USP13: variants seen among roughly 807,000 people sequenced by gnomAD.
USP13 encodes ubiquitin specific peptidase 13.
A neutral mutation model predicts 107.8 loss-of-function variants in USP13; 68 were observed. That is an observed-to-expected ratio of 0.63 (90% CI 0.52 to 0.77). The LOEUF (loss-of-function observed/expected upper bound fraction) is 0.77, where lower values mean the gene tolerates loss of function less well. Among genes scored for constraint, USP13 ranks in the 30% least tolerant of loss-of-function variants. The probability of loss-of-function intolerance (pLI) is 0.00; values close to 1 mark genes in which losing one functional copy is unlikely to be tolerated. For synonymous variants in USP13, 377 were observed against 389.5 expected, an observed-to-expected ratio of 0.97 and a Z score of 0.38; for missense variants, 945 against 1,093.3, an observed-to-expected ratio of 0.86 and a Z score of 1.91.
At chr3:179,669,484 TAAAA>T (rs1040864528) in intron 1 of USP13, among the ~76,000 whole-genome samples, 1 of 151,324 alleles carries the variant, frequency 6.6e-6, no homozygotes, top group Non-Finnish European at 1.5e-5. Flanking sequence ...AATAAATAAA[TAAAA>T]AAAATAATAT....
intron 5 of USP13, among the ~76,000 whole-genome samples, chr3:179,707,561 A>G (rs902850757): frequency 5.3e-5 from 8 of 152,180 alleles, no homozygotes; most frequent in Non-Finnish European, 1.5e-5. Flanking sequence ...ATCCTGTACC[A>G]GCTTCCTACC....
At chr3:179,735,210 G>A (rs1035613145) in intron 10 of USP13, among the ~76,000 whole-genome samples, 5 of 152,224 alleles carry the variant, frequency 3.3e-5, no homozygotes, top group African/African-American at 1.2e-4. Context: ...TCAAGTGAGA[G>A]TGTGTGTTCC....
chr3:179,752,293 G>T lies in USP13; in HGVS notation c.1718G>T (p.Arg573Leu), dbSNP rs552969967. 5 of 1,613,672 alleles carry T rather than the reference G, an allele frequency of 3.1e-6. No individual in the cohort carries two copies. In the East Asian group the frequency reaches 6.7e-5, roughly 22 times the overall value. ...QAKSAGVKTSRFASFPEYLVV... is the reference protein window; with the variant it reads ...QAKSAGVKTSLFASFPEYLVV... ...CCCCTTGTGTTTCCCAGAACATCTCGCTTTGCTTCATTCCCTGAATACTTG... is the reference window on the plus strand; with the variant it reads ...CCCCTTGTGTTTCCCAGAACATCTCTCTTTGCTTCATTCCCTGAATACTTG... Residue 573 changes from arginine (R) to leucine (L), a missense_variant, in exon 14 of 21, where the codon CGC (arginine) becomes CTC (leucine). Physicochemically the swap from Arg to Leu is moderately radical, Grantham distance 102. Coordinates refer to ENST00000263966, the MANE Select transcript of USP13 (RefSeq NM_003940.3).
chr3:179,724,460 GA>G (rs10671346), intron 8 of USP13, among the ~76,000 whole-genome samples: 258 of 85,096 alleles, frequency 3.0e-3, no homozygotes, highest in South Asian at 7.7e-3. Context: ...TCTGTCTCAA[GA>G]AAAAAAAAAA....
At chr3:179,756,015 T>C (rs1714778801) in intron 15 of USP13, among the ~76,000 whole-genome samples, 1 of 152,022 alleles carries the variant, frequency 6.6e-6, no homozygotes, top group African/African-American at 2.4e-5. Context: ...ATTAAAGGGG[T>C]CAAAGAAGGA....
At chr3:179,745,009 G>A (rs368669341) in intron 12 of USP13, 34 bp from the exon 13 acceptor site, 18 of 1,612,692 alleles carry the variant, frequency 1.1e-5, no homozygotes, top group Middle Eastern at 1.7e-4. Flanking sequence ...GGGTAAGAGC[G>A]ATTGCAAGGT....
At position 179,786,600 on chromosome 3, in the gene USP13, A is replaced by G; in HGVS notation, c.*2459A>G. On this transcript the variant is annotated 3_prime_UTR_variant, in exon 21 of 21. Coordinates refer to ENST00000263966, the MANE Select transcript of USP13 (RefSeq NM_003940.3). ...TTACTTCAGATTGAGAGTTGGGAAA[A>G]ACTGGAGTAAATAATGGGTTTCTTA... The G allele has an allele frequency of 6.4e-6, 1 of 155,290 alleles. No individual in the cohort carries two copies. Among genetic ancestry groups the G allele is most frequent in the South Asian group, 2.0e-4 (1 of 4,902 alleles). The allele number at this position is 155,290 out of a possible 1,614,324, so 9.6% of individuals were successfully genotyped here.
At position 179,781,906 on chromosome 3, in the gene USP13, ATG is replaced by A. The variant is rs1304568882; in HGVS notation, c.2498+85_2498+86del. 2.5e-6 allele frequency: 3 copies of A among 1,223,128 alleles called. No homozygotes were observed. In the African/African-American group the frequency reaches 4.5e-5, roughly 18 times the overall value. The allele number at this position is 1,223,128 out of a possible 1,614,324, so 75.8% of individuals were successfully genotyped here. A position where few individuals can be genotyped will look rare whatever the true frequency, so the allele number is the denominator to read the frequency against. On this transcript the variant is annotated intron_variant, in intron 20 of 20. Transcript: ENST00000263966. The stretch of plus-strand genomic sequence containing the variant: ...CCAGGCACTCTCCTAGGTACATTGT[ATG>A]TTATCTTATTTGGTTCTCACATTGG...
At chr3:179,782,098 C>T (rs1473116691) in intron 20 of USP13, among the ~76,000 whole-genome samples, 1 of 152,200 alleles carries the variant, frequency 6.6e-6, no homozygotes, top group South Asian at 2.1e-4. Context: ...AAGATGCATC[C>T]TGCAGCAGAA....
At chr3:179,681,120 G>A (rs767285538) in intron 1 of USP13, among the ~76,000 whole-genome samples, 8 of 152,138 alleles carry the variant, frequency 5.3e-5, no homozygotes, top group African/African-American at 9.7e-5. Context: ...TTTGGGAAAC[G>A]ATTGCTCGGC....
intron 3 of USP13, among the ~76,000 whole-genome samples, chr3:179,694,799 CAAAAAAA>C (rs576517737): frequency 7.3e-5 from 6 of 82,166 alleles, no homozygotes; most frequent in African/African-American, 1.4e-4. Flanking sequence ...AACTCCATCT[CAAAAAAA>C]AAAAAAAAAA....
intron 19 of USP13, among the ~76,000 whole-genome samples, chr3:179,777,466 T>C (rs1186624267): frequency 6.6e-6 from 1 of 150,942 alleles, no homozygotes; most frequent in African/African-American, 2.4e-5. Flanking sequence ...TTTTTTTTCT[T>C]TTTTGAGACA....
intron 8 of USP13, among the ~76,000 whole-genome samples, chr3:179,729,326 C>G (rs1713708526): frequency 6.6e-6 from 1 of 152,188 alleles, no homozygotes. Flanking sequence ...TTTCACTAAA[C>G]TGACTTAGCA....
At chr3:179,705,496 C>G (rs75461468) in intron 4 of USP13, among the ~76,000 whole-genome samples, 8,498 of 152,204 alleles carry the variant, frequency 0.056, 267 homozygotes, top group Non-Finnish European at 0.068. Context: ...TTTGTCTACT[C>G]TGGACCTTTC....
rs1023088308 is a variant in USP13, at chr3:179,721,605, G to T, written c.1088+16G>T. ...TCCAGAGAGCGTAAGTGCCTTCCAT[G>T]CAGACCAGGGCACGCGGCACCTCCC... On this transcript the variant is annotated intron_variant, in intron 8 of 20. Coordinates refer to ENST00000263966, the MANE Select transcript of USP13 (RefSeq NM_003940.3). The surrounding 1 kb of genome is among the most constrained non-coding windows in gnomAD (Gnocchi z 4.3). The T allele has an allele frequency of 3.1e-6, 5 of 1,610,690 alleles. No individual in the cohort carries two copies. Among genetic ancestry groups the T allele is most frequent in the Admixed American group, 3.3e-5 (2 of 59,838 alleles).
intron 1 of USP13, among the ~76,000 whole-genome samples, chr3:179,660,044 A>G (rs1720412222): frequency 6.6e-6 from 1 of 152,250 alleles, no homozygotes; most frequent in African/African-American, 2.4e-5. Context: ...CTCTGTCTCA[A>G]AAAACAAACA....
chr3:179,664,752 G>T (rs937182653), intron 1 of USP13, among the ~76,000 whole-genome samples: 2 of 152,206 alleles, frequency 1.3e-5, no homozygotes, highest in African/African-American at 4.8e-5. Context: ...GGACAGAGAT[G>T]TTGCTTGAGG....
Position 179,721,525 on chromosome 3 carries a change from G to T in USP13, c.1024G>T (p.Gly342Cys). The T allele has an allele frequency of 1.2e-6, 2 of 1,614,076 alleles. No homozygotes were observed. The highest frequency in any genetic ancestry group is 8.5e-7 in the Non-Finnish European group (1 of 1,180,030). ...TGGCTACACGGGTCTGAAGAACCTG[G>T]GCAACAGCTGCTATCTCAGCTCTGT... Reference protein sequence around the residue: ...GPGYTGLKNLGNSCYLSSVMQ... With the variant: ...GPGYTGLKNLCNSCYLSSVMQ... Residue 342 changes from glycine (G) to cysteine (C), a missense_variant, in exon 8 of 21, where the codon GGC becomes TGC. Gly to Cys is a radical substitution (Grantham distance 159). Coordinates refer to ENST00000263966, the MANE Select transcript of USP13 (RefSeq NM_003940.3). This position sits in a 1 kb window ranked among gnomAD's most constrained non-coding sequence, Gnocchi z 4.3.
At chr3:179,718,256 A>AT (rs940906828) in intron 6 of USP13, among the ~76,000 whole-genome samples, 4 of 146,848 alleles carry the variant, frequency 2.7e-5, no homozygotes, top group African/African-American at 7.5e-5. Flanking sequence ...TGATACATAC[A>AT]TTTTTTTCTT....
Sources: allele counts gnomAD v4.1 joint callset (sites outside exome capture counted in the v4.1 genomes callset), GRCh38; gene constraint gnomAD v4.1.1; non-coding constraint Gnocchi (gnomAD v3.1); transcripts MANE v1.5; gene names NCBI Gene and HGNC (gene_info 2026-07-23, HGNC 2026-07-21).